Variants in MTRF1 observed in about 807,000 individuals in gnomAD.
MTRF1 encodes the protein peptide chain release factor 1, mitochondrial.
MTRF1 carries 51 observed loss-of-function variants against 62.9 expected under a neutral mutation model. That is an observed-to-expected ratio of 0.81 (90% CI 0.65 to 1.02). MTRF1 has a LOEUF of 1.02. Ranked by LOEUF, MTRF1 falls within the 50% of genes least tolerant of loss-of-function variation. The pLI is 0.00. For missense variants in MTRF1, 446 were observed against 530.0 expected, an observed-to-expected ratio of 0.84 and a Z score of 1.56; for synonymous variants, 158 against 181.9, an observed-to-expected ratio of 0.87 and a Z score of 1.06.
At chr13:41,290,828 C>T in the MTRF1 span, among the ~76,000 whole-genome samples, 10 of 151,704 alleles carry the variant, frequency 6.6e-5, no homozygotes, top group African/African-American at 2.4e-4. Flanking sequence ...CGCAGTGGCT[C>T]ATGCCTGTAA....
chr13:41,248,634 C>T (rs1593920899), intron 5 of MTRF1, among the ~76,000 whole-genome samples: 1 of 152,282 alleles, frequency 6.6e-6, no homozygotes, highest in East Asian at 1.9e-4. Flanking sequence ...CTGGGGCTTC[C>T]CGACAAATAT....
chr13:41,275,419 C>T, the MTRF1 span, among the ~76,000 whole-genome samples: 2 of 151,880 alleles, frequency 1.3e-5, no homozygotes, highest in Non-Finnish European at 2.9e-5. Context: ...CCAGGATGGC[C>T]TCCATCCCCT....
At chr13:41,294,744 G>A in the MTRF1 span, among the ~76,000 whole-genome samples, 1 of 152,158 alleles carries the variant, frequency 6.6e-6, no homozygotes, top group Non-Finnish European at 1.5e-5. Flanking sequence ...GGTACATATT[G>A]TCAGAGTACG....
At chr13:41,288,743 A>G in the MTRF1 span, among the ~76,000 whole-genome samples, 1 of 151,916 alleles carries the variant, frequency 6.6e-6, no homozygotes, top group African/African-American at 2.4e-5. Flanking sequence ...TTTTTTGTTT[A>G]TTTTAGACTA....
intron 9 of MTRF1, among the ~76,000 whole-genome samples, chr13:41,222,755 C>T (rs1416895056): frequency 1.3e-5 from 2 of 152,224 alleles, no homozygotes; most frequent in Non-Finnish European, 2.9e-5. Context: ...TGGCATTCTG[C>T]TGGCAACCAC....
At chr13:41,246,854 T>A (rs1400202619) in intron 5 of MTRF1, among the ~76,000 whole-genome samples, 1 of 152,234 alleles carries the variant, frequency 6.6e-6, no homozygotes, top group Non-Finnish European at 1.5e-5. Context: ...TGGCATAGAT[T>A]AAAACAGCCA....
At chr13:41,271,429 C>T in the MTRF1 span, among the ~76,000 whole-genome samples, 1 of 152,052 alleles carries the variant, frequency 6.6e-6, no homozygotes. Flanking sequence ...TATTTGTTTC[C>T]CACTTTTTTT....
the MTRF1 span, among the ~76,000 whole-genome samples, chr13:41,269,868 C>T: frequency 6.6e-6 from 1 of 152,168 alleles, no homozygotes; most frequent in Non-Finnish European, 1.5e-5. Flanking sequence ...CCAGGCTGTC[C>T]TTGTTCATTC....
At position 41,260,614 on chromosome 13, in the gene MTRF1, C is replaced by T; in HGVS notation, c.294G>A (p.Val98=). Residue 98 remains valine, a synonymous_variant, in exon 2 of 10, where the codon GTG becomes GTA. Coordinates refer to ENST00000379480, the MANE Select transcript of MTRF1 (RefSeq NM_004294.4). ...TLEQCLQHIP[V]NEENRRSLNR... ...TCAAGGACCTTCGGTTTTCCTCATT[C>T]ACAGGGATATGCTGCAGACATTGCT... 6.2e-7 allele frequency: 1 copy of T among 1,614,140 alleles called. No homozygotes were observed. Among genetic ancestry groups the T allele is most frequent in the Non-Finnish European group, 8.5e-7 (1 of 1,180,006 alleles).
chr13:41,306,339 G>C, the MTRF1 span, among the ~76,000 whole-genome samples: 2 of 151,482 alleles, frequency 1.3e-5, no homozygotes, highest in Non-Finnish European at 2.9e-5. Flanking sequence ...AGCCGAGATC[G>C]CGCCACTGCA....
chr13:41,262,854 T>C lies in MTRF1; in HGVS notation c.-9+631A>G, dbSNP rs9566734. 3.1e-4 allele frequency among the ~76,000 whole-genome samples: 47 copies of C among 152,308 alleles called. No homozygotes were observed. In the East Asian group the frequency reaches 6.5e-3, roughly 21 times the overall value. ...TTTACTGTCTCCAGTGATCCTACTA[T>C]GCTAGGAGGTGCATTGATATATTAG... On this transcript the variant is annotated intron_variant, in intron 1 of 9. Transcript: ENST00000379480.
Position 41,240,400 on chromosome 13 carries a change from C to T in MTRF1, c.731G>A (p.Gly244Asp), listed in dbSNP as rs1341684615. Residue 244 changes from glycine to aspartate, a missense_variant, in exon 6 of 10, where the codon GGT becomes GAT. Transcript: ENST00000379480. ...CTTCAAATGCTTATAGACACCGTCA[C>T]CGGAAATTCGGGCGGCTGCATGATG... ...GLHHAAARIS[G>D]DGVYKHLKYE... The T allele has an allele frequency of 6.2e-7, 1 of 1,613,480 alleles. No homozygotes were observed. Among genetic ancestry groups the T allele is most frequent in the Non-Finnish European group, 8.5e-7 (1 of 1,179,778 alleles).
chr13:41,284,623 C>T, the MTRF1 span, among the ~76,000 whole-genome samples: 5 of 151,780 alleles, frequency 3.3e-5, no homozygotes, highest in African/African-American at 9.7e-5. Context: ...AGTCAACAGG[C>T]TCTAAATTAA....
chr13:41,291,460 G>A, the MTRF1 span, among the ~76,000 whole-genome samples: 1 of 152,168 alleles, frequency 6.6e-6, no homozygotes, highest in East Asian at 1.9e-4. Flanking sequence ...TTACAGGTGA[G>A]CTGCCGCACC....
In MTRF1 at chr13:41,252,945, T is replaced by C. The variant is rs1161062953; in HGVS notation, c.589+4A>G. ...CATTTAAATAATAAAGTAAGTTTACTGACCTCCAGTAGTCCTTCCAGCTGT... is the reference window on the plus strand; with the variant it reads ...CATTTAAATAATAAAGTAAGTTTACCGACCTCCAGTAGTCCTTCCAGCTGT... On this transcript the variant is annotated splice_donor_region_variant and intron_variant, in intron 4 of 9. Coordinates refer to ENST00000379480, the MANE Select transcript of MTRF1 (RefSeq NM_004294.4). The C allele has an allele frequency of 1.5e-5, 23 of 1,585,000 alleles. No homozygotes were observed. Among genetic ancestry groups the C allele is most frequent in the Non-Finnish European group, 2.0e-5 (23 of 1,161,330 alleles).
the MTRF1 span, among the ~76,000 whole-genome samples, chr13:41,273,333 A>C: frequency 3.3e-5 from 5 of 152,050 alleles, no homozygotes; most frequent in South Asian, 1.0e-3. Flanking sequence ...CTCAAAAAAA[A>C]AAAAAAAAGT....
At chr13:41,256,599 C>T (rs908533754) in intron 2 of MTRF1, among the ~76,000 whole-genome samples, 8 of 152,114 alleles carry the variant, frequency 5.3e-5, no homozygotes, top group African/African-American at 1.4e-4. Context: ...ACTGGGATTA[C>T]AGGCATGAGC....
the MTRF1 span, chr13:41,311,273 C>T: frequency 1.4e-5 from 8 of 554,654 alleles, no homozygotes; most frequent in African/African-American, 2.0e-5. Flanking sequence ...TCTTGCAGTG[C>T]GCGGGAACCG....
chr13:41,304,114 T>G, the MTRF1 span, among the ~76,000 whole-genome samples: 2 of 152,274 alleles, frequency 1.3e-5, no homozygotes, highest in East Asian at 3.9e-4. Context: ...GGGGTCTGGA[T>G]CAGGAGCTCT....
Sources: gnomAD v4.1 joint callset for allele counts (sites outside exome capture counted in the v4.1 genomes callset) on GRCh38, gnomAD v4.1.1 for gene constraint, MANE v1.5 for transcripts, NCBI Gene and HGNC (gene_info 2026-07-23, HGNC 2026-07-21) for gene names.